The following SRBD1 variants were observed in gnomAD, a reference collection of about 807,000 sequenced individuals.
SRBD1 encodes the protein S1 RNA-binding domain-containing protein 1.
SRBD1 carries 88 observed loss-of-function variants against 115.3 expected under a neutral mutation model. The observed-to-expected ratio is 0.76, with a 90% CI of 0.64 to 0.91. The LOEUF is 0.91. Among genes scored for constraint, SRBD1 ranks in the 40% least tolerant of loss-of-function variants. SRBD1 has a pLI of 0.00. For synonymous variants in SRBD1, 509 were observed against 407.7 expected, an observed-to-expected ratio of 1.25 and a Z score of -2.99; for missense variants, 1,385 against 1,177.4, an observed-to-expected ratio of 1.18 and a Z score of -2.58.
rs535680970 is a variant in SRBD1 at position 45,524,617 on chromosome 2, A to G, written c.1874+22115T>C. ...GTATCGAACTTATACTCTGAAAGCT[A>G]CAGAACATTGTTGAAAGAAATTAAG... is the stretch of plus-strand genomic sequence containing the variant. On this transcript the variant is annotated intron_variant, in intron 14 of 20. Coordinates refer to ENST00000263736, the MANE Select transcript of SRBD1 (RefSeq NM_018079.5). 2.6e-5 allele frequency among the ~76,000 whole-genome samples: 4 copies of G among 152,202 alleles called. No homozygotes were observed. In the East Asian group the frequency reaches 7.7e-4, roughly 29 times the overall value.
rs1673489084 is a variant in SRBD1, at chr2:45,585,466, A to T, written c.815+142T>A. On this transcript the variant is annotated intron_variant, in intron 5 of 20. Transcript: ENST00000263736. ...GCAGAGGGACTCCATACACTCGCTA[A>T]ATAAAGAGGACTATATCCAGATTAC... The T allele has an allele frequency of 3.4e-6, 3 of 880,896 alleles. No homozygotes were observed. The African/African-American group carries it at 5.2e-5, about 15-fold the overall frequency. The allele number at this position is 880,896 out of a possible 1,614,324, so 54.6% of individuals were successfully genotyped here.
chr2:45,573,986 C>T (rs1349692850), intron 8 of SRBD1, among the ~76,000 whole-genome samples: 2 of 152,022 alleles, frequency 1.3e-5, no homozygotes, highest in African/African-American at 4.8e-5. Flanking sequence ...TAGCAGAAAC[C>T]TGTCTTCTGA....
At chr2:45,558,171 G>C (rs955859055) in intron 10 of SRBD1, among the ~76,000 whole-genome samples, 2 of 152,214 alleles carry the variant, frequency 1.3e-5, no homozygotes, top group African/African-American at 4.8e-5. Context: ...AAACTCAAAA[G>C]ACAAGTTCTG....
chr2:45,437,446 G>C (rs907675260), intron 16 of SRBD1, among the ~76,000 whole-genome samples: 3 of 151,134 alleles, frequency 2.0e-5, no homozygotes, highest in African/African-American at 4.9e-5. Context: ...TTTGACAAAA[G>C]AGCAAAGGCA....
intron 19 of SRBD1, among the ~76,000 whole-genome samples, chr2:45,394,711 G>T (rs1158581870): frequency 6.6e-6 from 1 of 152,122 alleles, no homozygotes; most frequent in Non-Finnish European, 1.5e-5. Context: ...CTTAAGTAGG[G>T]CATCTCTTTG....
intron 19 of SRBD1, among the ~76,000 whole-genome samples, chr2:45,406,245 G>A (rs966468409): frequency 3.9e-5 from 6 of 152,070 alleles, no homozygotes; most frequent in African/African-American, 1.2e-4. Context: ...GAGCAGTGTA[G>A]GGAAGGATGG....
chr2:45,505,308 C>A (rs905258264), intron 14 of SRBD1, among the ~76,000 whole-genome samples: 2 of 152,190 alleles, frequency 1.3e-5, no homozygotes, highest in African/African-American at 4.8e-5. Context: ...AGCATGTGGT[C>A]ATGTCAGAGC....
intron 16 of SRBD1, among the ~76,000 whole-genome samples, chr2:45,420,739 T>A (rs1667970715): frequency 6.6e-6 from 1 of 152,244 alleles, no homozygotes; most frequent in African/African-American, 2.4e-5. Flanking sequence ...ACTAACAAGA[T>A]CCTTGATAAC....
At chr2:45,536,831 C>T (rs1671778109) in intron 14 of SRBD1, among the ~76,000 whole-genome samples, 1 of 152,144 alleles carries the variant, frequency 6.6e-6, no homozygotes, top group Non-Finnish European at 1.5e-5. Flanking sequence ...TCAGTAAAGA[C>T]TCTTGCGGGC....
chr2:45,396,961 A>G (rs1667163475), intron 19 of SRBD1, among the ~76,000 whole-genome samples: 1 of 152,180 alleles, frequency 6.6e-6, no homozygotes, highest in African/African-American at 2.4e-5. Flanking sequence ...TCCACCAAGA[A>G]CCATGCTATA....
intron 16 of SRBD1, among the ~76,000 whole-genome samples, chr2:45,421,456 T>C (rs1328595070): frequency 1.6e-5 from 2 of 124,588 alleles, no homozygotes; most frequent in Non-Finnish European, 3.1e-5. Flanking sequence ...GCAGTGAGCG[T>C]AGATCGTGCC....
intron 16 of SRBD1, among the ~76,000 whole-genome samples, chr2:45,434,861 G>A (rs1485784609): frequency 1.3e-5 from 2 of 151,364 alleles, no homozygotes; most frequent in Non-Finnish European, 2.9e-5. Flanking sequence ...ATGTTGGTTT[G>A]CTGCACCCAT....
intron 14 of SRBD1, among the ~76,000 whole-genome samples, chr2:45,514,310 A>G (rs1671057610): frequency 6.6e-6 from 1 of 152,182 alleles, no homozygotes; most frequent in African/African-American, 2.4e-5. Flanking sequence ...ATAGTAACAA[A>G]GCAAATAAGT....
chr2:45,478,332 C>G (rs1323724787), intron 15 of SRBD1, among the ~76,000 whole-genome samples: 3 of 152,146 alleles, frequency 2.0e-5, no homozygotes, highest in East Asian at 3.8e-4. Context: ...TGATTTGTAC[C>G]ACTTCTCTAA....
At chr2:45,466,001 G>A (rs1669475464) in intron 16 of SRBD1, among the ~76,000 whole-genome samples, 1 of 152,122 alleles carries the variant, frequency 6.6e-6, no homozygotes, top group South Asian at 2.1e-4. Context: ...CATTCATTCA[G>A]AAATACTGAA....
rs372378939 is a variant in SRBD1, at chr2:45,580,493, G to A, written c.934-480C>T. ...CCCAGGTAGCTGGGACTACAGGAGC[G>A]CACCACTACGTCCAGCTATTTTTTT... On this transcript the variant is annotated intron_variant, in intron 6 of 20. Transcript: ENST00000263736. Among the ~76,000 whole-genome samples the A allele has an allele frequency of 1.7e-3, 254 of 145,880 alleles. 1 individual carries two copies. The highest frequency in any genetic ancestry group is 7.8e-3 in the South Asian group (36 of 4,616).
chr2:45,580,551 G>C (rs2104178914), intron 6 of SRBD1, among the ~76,000 whole-genome samples: 1 of 142,224 alleles, frequency 7.0e-6, no homozygotes, highest in Admixed American at 7.4e-5. Context: ...AGTAGAGACA[G>C]GGTTTCACCA....
At chr2:45,486,980 G>A (rs1389340158) in intron 15 of SRBD1, among the ~76,000 whole-genome samples, 1 of 152,092 alleles carries the variant, frequency 6.6e-6, no homozygotes, top group Non-Finnish European at 1.5e-5. Flanking sequence ...TAAGGAGACA[G>A]AGATCACGCT....
intron 19 of SRBD1, among the ~76,000 whole-genome samples, chr2:45,407,218 C>CTT (rs1358402024): frequency 7.9e-5 from 12 of 152,168 alleles, no homozygotes; most frequent in Admixed American, 5.9e-4. Context: ...TTCTAACATG[C>CTT]TTGGTAATGA....
Sources: gnomAD v4.1 joint callset for allele counts (sites outside exome capture counted in the v4.1 genomes callset) on GRCh38, gnomAD v4.1.1 for gene constraint, MANE v1.5 for transcripts, NCBI Gene and HGNC (gene_info 2026-07-23, HGNC 2026-07-21) for gene names.